NIPAL2: variants seen among roughly 807,000 people sequenced by gnomAD.
NIPAL2 encodes the protein NIPA-like protein 2.
A neutral mutation model predicts 48.9 loss-of-function variants in NIPAL2; 43 were observed. The ratio of observed to expected loss-of-function variants is 0.88; its 90% CI spans 0.69 to 1.13. The LOEUF is 1.13. Among genes scored for constraint, NIPAL2 ranks in the 50% most tolerant of loss-of-function variants. NIPAL2 has a pLI of 0.00. For missense variants in NIPAL2, 446 were observed against 461.4 expected (o/e 0.97, Z 0.31); for synonymous variants, 167 against 174.6 (o/e 0.96, Z 0.34).
chr8:98,214,320 C>A (rs551360441), intron 5 of NIPAL2, among the ~76,000 whole-genome samples: 1 of 152,010 alleles, frequency 6.6e-6, no homozygotes, highest in Non-Finnish European at 1.5e-5. Flanking sequence ...CCCGCCACCA[C>A]GCCCGGCTAA....
chr8:98,224,845 G>A (rs563313704), intron 4 of NIPAL2, among the ~76,000 whole-genome samples: 7 of 143,506 alleles, frequency 4.9e-5, no homozygotes, highest in South Asian at 4.4e-4. Context: ...TGCAACCTCC[G>A]TCTCCTGGGT....
At chr8:98,246,572 C>T (rs895878245) in intron 3 of NIPAL2, among the ~76,000 whole-genome samples, 1 of 152,154 alleles carries the variant, frequency 6.6e-6, no homozygotes, top group Non-Finnish European at 1.5e-5. Flanking sequence ...ATTTATTACT[C>T]ATTTCCATTC....
intron 6 of NIPAL2, among the ~76,000 whole-genome samples, chr8:98,206,164 C>CA (rs1350230382): frequency 2.6e-5 from 4 of 151,918 alleles, no homozygotes; most frequent in Non-Finnish European, 4.4e-5. Context: ...ACTGAAAGTT[C>CA]AAAAATAATT....
intron 1 of NIPAL2, among the ~76,000 whole-genome samples, chr8:98,290,852 G>C (rs1362798514): frequency 6.6e-6 from 1 of 152,162 alleles, no homozygotes; most frequent in Non-Finnish European, 1.5e-5. Context: ...CAGTGATCAT[G>C]CGGGGGAAAA....
intron 1 of NIPAL2, among the ~76,000 whole-genome samples, chr8:98,261,810 C>T (rs1405668258): frequency 2.0e-5 from 3 of 148,588 alleles, no homozygotes; most frequent in African/African-American, 7.5e-5. Context: ...AAGAGCAACT[C>T]CAAGAAACAT....
intron 5 of NIPAL2, among the ~76,000 whole-genome samples, chr8:98,220,961 ATTCT>A (rs1811825752): frequency 1.1e-5 from 1 of 87,870 alleles, no homozygotes; most frequent in Admixed American, 1.2e-4. Flanking sequence ...AGTTCATTTC[ATTCT>A]TTTTTTTTTT....
chr8:98,222,652 T>G, intron 4 of NIPAL2, 52 bp from the exon 5 acceptor site: 2 of 1,581,152 alleles, frequency 1.3e-6, no homozygotes, highest in Non-Finnish European at 1.7e-6. Flanking sequence ...CTAAAGCTTT[T>G]GTTGACGCAG....
intron 1 of NIPAL2, among the ~76,000 whole-genome samples, chr8:98,277,492 G>A (rs982231713): frequency 2.0e-5 from 3 of 151,938 alleles, no homozygotes; most frequent in Non-Finnish European, 2.9e-5. Flanking sequence ...AGCTGGGGTC[G>A]CACCATTGCA....
chr8:98,276,871 C>T (rs1166896969), intron 1 of NIPAL2, among the ~76,000 whole-genome samples: 2 of 151,970 alleles, frequency 1.3e-5, no homozygotes, highest in African/African-American at 4.8e-5. Flanking sequence ...CTCCCAGGCT[C>T]AACCAATTCT....
intron 3 of NIPAL2, among the ~76,000 whole-genome samples, chr8:98,250,837 C>G (rs558822313): frequency 6.6e-6 from 1 of 152,208 alleles, no homozygotes; most frequent in African/African-American, 2.4e-5. Context: ...GAGCTTGGAT[C>G]AAGTCTTGCC....
chr8:98,229,841 T>C (rs377358632), intron 4 of NIPAL2, among the ~76,000 whole-genome samples: 1 of 152,236 alleles, frequency 6.6e-6, no homozygotes, highest in Non-Finnish European at 1.5e-5. Flanking sequence ...AAATGCTTTA[T>C]ACATAACTAA....
chr8:98,262,225 GA>G (rs1814388975), intron 1 of NIPAL2, among the ~76,000 whole-genome samples: 1 of 151,652 alleles, frequency 6.6e-6, no homozygotes, highest in Admixed American at 6.6e-5. Flanking sequence ...ATCAACTAAC[GA>G]GCAAAATAAC....
intron 1 of NIPAL2, among the ~76,000 whole-genome samples, chr8:98,271,021 T>A (rs893279672): frequency 2.0e-5 from 3 of 152,226 alleles, no homozygotes; most frequent in African/African-American, 7.2e-5. Flanking sequence ...AGCTGCTTTA[T>A]TTCTGGGCTC....
At chr8:98,206,675 C>G (rs1278675664) in intron 6 of NIPAL2, among the ~76,000 whole-genome samples, 1 of 151,074 alleles carries the variant, frequency 6.6e-6, no homozygotes, top group Non-Finnish European at 1.5e-5. Context: ...GTATTCCCAG[C>G]TACTCGGGAG....
chr8:98,218,421 A>C (rs1218169279), intron 5 of NIPAL2, among the ~76,000 whole-genome samples: 4 of 152,214 alleles, frequency 2.6e-5, no homozygotes, highest in African/African-American at 9.7e-5. Flanking sequence ...AAAAGTAGGA[A>C]GATAAATGGG....
chr8:98,209,445 CAAAA>C (rs33923448), intron 6 of NIPAL2, among the ~76,000 whole-genome samples: 7 of 70,502 alleles, frequency 9.9e-5, no homozygotes, highest in South Asian at 6.7e-4. Flanking sequence ...CCTGTCTCTC[CAAAA>C]AAAAAAAAAA....
At chr8:98,254,158 G>T in intron 1 of NIPAL2, 71 bp from the exon 2 acceptor site, 1 of 1,272,484 alleles carries the variant, frequency 7.9e-7, no homozygotes, top group Non-Finnish European at 1.1e-6. Context: ...ACAAATTTAG[G>T]TGTTCATTCA....
chr8:98,240,620 T>A (rs1433392647), intron 3 of NIPAL2, among the ~76,000 whole-genome samples: 1 of 152,236 alleles, frequency 6.6e-6, no homozygotes, highest in African/African-American at 2.4e-5. Context: ...TAATCTGAGC[T>A]GAGCTGTCTT....
intron 1 of NIPAL2, among the ~76,000 whole-genome samples, chr8:98,261,744 C>A (rs1053338873): frequency 1.4e-3 from 217 of 149,896 alleles, no homozygotes; most frequent in Non-Finnish European, 2.8e-3. Flanking sequence ...CCTAGCAAGG[C>A]AGGCCAACGT....
Sources: gnomAD v4.1 joint callset for allele counts (sites outside exome capture counted in the v4.1 genomes callset) on GRCh38, gnomAD v4.1.1 for gene constraint, MANE v1.5 for transcripts, NCBI Gene and HGNC (gene_info 2026-07-23, HGNC 2026-07-21) for gene names.